The following NCKAP5 variants were observed in gnomAD, a reference collection of about 807,000 sequenced individuals.
The protein encoded by NCKAP5 is NCK associated protein 5, also known as nck-associated protein 5.
NCKAP5 carries 92 observed loss-of-function variants against 167.0 expected under a neutral mutation model. That is an observed-to-expected ratio of 0.55 (90% CI 0.47 to 0.66). NCKAP5 has a LOEUF of 0.66. Among genes scored for constraint, NCKAP5 ranks in the 30% least tolerant of loss-of-function variants. NCKAP5 has a pLI of 0.00. For synonymous variants in NCKAP5, 891 were observed against 877.4 expected (o/e 1.02, Z -0.27); for missense variants, 2,378 against 2,315.0 (o/e 1.03, Z -0.56).
intron 3 of NCKAP5, among the ~76,000 whole-genome samples, chr2:133,303,981 T>C (rs908194374): frequency 1.3e-5 from 2 of 152,178 alleles, no homozygotes; most frequent in African/African-American, 2.4e-5. Flanking sequence ...TTTAGAGGTC[T>C]ACCGTGCAGG....
intron 3 of NCKAP5, among the ~76,000 whole-genome samples, chr2:133,404,396 T>C (rs868001160): frequency 1.7e-4 from 26 of 152,252 alleles, no homozygotes; most frequent in African/African-American, 6.0e-4. Context: ...GAGCCCTATA[T>C]ACATTACTGT....
intron 4 of NCKAP5, among the ~76,000 whole-genome samples, chr2:133,267,911 T>C (rs1393701846): frequency 6.6e-6 from 1 of 152,168 alleles, no homozygotes; most frequent in Non-Finnish European, 1.5e-5. Context: ...ATGGCAGTAG[T>C]CCTAGAGACA....
At chr2:132,772,523 G>A (rs76379590) in intron 16 of NCKAP5, among the ~76,000 whole-genome samples, 2,229 of 152,124 alleles carry the variant, frequency 0.015, 58 homozygotes, top group African/African-American at 0.051. Context: ...AGAACACCTC[G>A]TTATAGAAAA....
Position 132,782,193 on chromosome 2 carries a change from A to G in NCKAP5, c.4618T>C (p.Leu1540=), listed in dbSNP as rs751414536. 4 of 1,613,414 alleles carry G rather than the reference A, an allele frequency of 2.5e-6. No homozygotes were observed. Among genetic ancestry groups the G allele is most frequent in the Non-Finnish European group, 3.4e-6 (4 of 1,179,784 alleles). ...TKVEKKDAKV[L]GFGNRQLKSE... is the part of the protein sequence containing the mutation. ...TTTAGTTGTCTGTTTCCAAACCCCAAGACTTTTGCATCTTTCTTTTCTACT... is the reference window on the plus strand; with the variant it reads ...TTTAGTTGTCTGTTTCCAAACCCCAGGACTTTTGCATCTTTCTTTTCTACT... Residue 1540 remains leucine (L), a synonymous_variant, in exon 14 of 20, where the codon TTG becomes CTG. Coordinates refer to ENST00000409261, the MANE Select transcript of NCKAP5 (RefSeq NM_207363.3).
intron 3 of NCKAP5, among the ~76,000 whole-genome samples, chr2:133,373,212 C>T (rs1685914263): frequency 6.6e-6 from 1 of 152,070 alleles, no homozygotes; most frequent in Non-Finnish European, 1.5e-5. Flanking sequence ...GGTGTGGCCA[C>T]CATGCCTGGC....
intron 11 of NCKAP5, among the ~76,000 whole-genome samples, chr2:132,822,797 A>G (rs1686846747): frequency 6.6e-6 from 1 of 152,210 alleles, no homozygotes; most frequent in Non-Finnish European, 1.5e-5. Flanking sequence ...ATCAACTTCA[A>G]GAAATAAAAA....
intron 8 of NCKAP5, among the ~76,000 whole-genome samples, chr2:132,910,244 T>C (rs1378305886): frequency 6.6e-6 from 1 of 152,220 alleles, no homozygotes; most frequent in Non-Finnish European, 1.5e-5. Flanking sequence ...ATTTATCCTT[T>C]GTGTTACAAA....
intron 5 of NCKAP5, among the ~76,000 whole-genome samples, chr2:133,160,220 T>C (rs776969628): frequency 8.6e-5 from 13 of 152,040 alleles, no homozygotes. Flanking sequence ...CTGAAGGCAG[T>C]AGGGAAGGAT....
At chr2:133,490,008 GA>G (rs1262763619) in intron 3 of NCKAP5, among the ~76,000 whole-genome samples, 1 of 152,172 alleles carries the variant, frequency 6.6e-6, no homozygotes, top group Admixed American at 6.5e-5. Context: ...GGGCTGAGGG[GA>G]AATAGGCTCA....
intron 3 of NCKAP5, among the ~76,000 whole-genome samples, chr2:133,502,967 G>A (rs1396596105): frequency 1.3e-5 from 2 of 152,126 alleles, no homozygotes; most frequent in Non-Finnish European, 2.9e-5. Context: ...CATCTGAAAC[G>A]ATCCTAGGTC....
At chr2:132,760,963 A>C (rs1036687583) in intron 16 of NCKAP5, among the ~76,000 whole-genome samples, 7 of 152,198 alleles carry the variant, frequency 4.6e-5, no homozygotes, top group African/African-American at 1.7e-4. Context: ...ATGGGACACA[A>C]AAAGAGTGAA....
intron 11 of NCKAP5, among the ~76,000 whole-genome samples, chr2:132,823,608 T>G (rs1686919845): frequency 6.6e-6 from 1 of 151,970 alleles, no homozygotes; most frequent in African/African-American, 2.4e-5. Flanking sequence ...CCTTAAAGCA[T>G]AAATCTCACA....
intron 5 of NCKAP5, among the ~76,000 whole-genome samples, chr2:133,161,411 C>T (rs956170820): frequency 3.3e-5 from 5 of 152,192 alleles, no homozygotes; most frequent in Admixed American, 1.3e-4. Flanking sequence ...AGATGTTACA[C>T]ACCTAAAAAC....
chr2:133,645,850 G>A, the NCKAP5 span, among the ~76,000 whole-genome samples: 1 of 151,742 alleles, frequency 6.6e-6, no homozygotes, highest in African/African-American at 2.4e-5. Flanking sequence ...AGAAATGCAA[G>A]GATAAATTTA....
intron 6 of NCKAP5, among the ~76,000 whole-genome samples, chr2:133,062,111 T>C (rs2080027967): frequency 6.6e-6 from 1 of 152,218 alleles, no homozygotes; most frequent in Non-Finnish European, 1.5e-5. Context: ...GTGCTATCCA[T>C]AGCCCTAGAT....
At chr2:133,614,233 C>G in the NCKAP5 span, among the ~76,000 whole-genome samples, 1 of 152,108 alleles carries the variant, frequency 6.6e-6, no homozygotes, top group Non-Finnish European at 1.5e-5. Context: ...CCCTGGTCAC[C>G]GGCTGCCAGG....
At chr2:133,018,685 G>A (rs958056241) in intron 6 of NCKAP5, among the ~76,000 whole-genome samples, 5 of 152,088 alleles carry the variant, frequency 3.3e-5, no homozygotes, top group African/African-American at 1.2e-4. Context: ...TCATTTGTTT[G>A]GGGATCCACA....
At chr2:133,473,116 G>A (rs546994987) in intron 3 of NCKAP5, among the ~76,000 whole-genome samples, 1 of 152,242 alleles carries the variant, frequency 6.6e-6, no homozygotes, top group East Asian at 1.9e-4. Flanking sequence ...GGTGGATCAT[G>A]AGGTCAGGAG....
chr2:133,148,090 GT>G (rs2083264234), intron 5 of NCKAP5, among the ~76,000 whole-genome samples: 1 of 152,092 alleles, frequency 6.6e-6, no homozygotes, highest in South Asian at 2.1e-4. Context: ...ATAATGAAAT[GT>G]TTTTCAAGAT....
Sources: allele counts gnomAD v4.1 joint callset (sites outside exome capture counted in the v4.1 genomes callset), GRCh38; gene constraint gnomAD v4.1.1; transcripts MANE v1.5; gene names NCBI Gene and HGNC (gene_info 2026-07-23, HGNC 2026-07-21).